PPP1R12A: variants seen among roughly 807,000 people sequenced by gnomAD.
The protein encoded by PPP1R12A is myosin binding subunit.
In PPP1R12A, 19 loss-of-function variants were observed where a neutral mutation model predicts 139.6. That is an observed-to-expected ratio of 0.14 (90% CI 0.09 to 0.20). The LOEUF (loss-of-function observed/expected upper bound fraction) is 0.20. Ranked by LOEUF, PPP1R12A falls within the 10% of genes least tolerant of loss-of-function variation. PPP1R12A has a pLI of 1.00. For missense variants in PPP1R12A, 925 were observed against 1,211.5 expected, an observed-to-expected ratio of 0.76 and a Z score of 3.51; for synonymous variants, 427 against 420.6, an observed-to-expected ratio of 1.02 and a Z score of -0.19.
In PPP1R12A at chr12:79,807,289, C is replaced by A. The variant is rs1873952660; in HGVS notation, c.1592G>T (p.Arg531Ile). ...SLRTSSSYTR[R>I]KWEDDLKKNS... is the part of the protein sequence containing the mutation. ...TTTTTTAAGATCATCTTCCCATTTT[C>A]TCCTTGTATATGAACTACTTGTTCG... Residue 531 changes from arginine to isoleucine, a missense_variant, in exon 12 of 25, where the codon AGA becomes ATA. Arg to Ile is a moderately conservative substitution (Grantham distance 97). Coordinates refer to ENST00000450142, the MANE Select transcript of PPP1R12A (RefSeq NM_002480.3). 4 of 1,556,256 alleles carry A rather than the reference C, an allele frequency of 2.6e-6. No individual in the cohort carries two copies. Among genetic ancestry groups the A allele is most frequent in the Non-Finnish European group, 2.6e-6 (3 of 1,148,944 alleles).
intron 2 of PPP1R12A, among the ~76,000 whole-genome samples, chr12:79,870,618 G>A (rs1478088858): frequency 6.6e-6 from 1 of 152,174 alleles, no homozygotes; most frequent in South Asian, 2.1e-4. Flanking sequence ...TTATAGCACA[G>A]TCATAAATTC....
intron 8 of PPP1R12A, among the ~76,000 whole-genome samples, chr12:79,818,537 C>G (rs998877241): frequency 6.6e-6 from 1 of 152,260 alleles, no homozygotes. Context: ...TCCACAGCAC[C>G]CAGCCCCACC....
At chr12:79,871,235 T>G (rs1196461204) in intron 2 of PPP1R12A, among the ~76,000 whole-genome samples, 1 of 152,198 alleles carries the variant, frequency 6.6e-6, no homozygotes, top group Non-Finnish European at 1.5e-5. Flanking sequence ...TTAGGTCATT[T>G]TAAATTGGGT....
In PPP1R12A at chr12:79,881,101, G is replaced by A. The variant is rs1020838304; in HGVS notation, c.238-8163C>T. 2.6e-5 allele frequency among the ~76,000 whole-genome samples: 4 copies of A among 152,060 alleles called. No homozygotes were observed. In the East Asian group the frequency reaches 7.7e-4, roughly 29 times the overall value. ...TTCCCCATCTCTCTCCCTTTCCTGA[G>A]GCCTCCCTATTCCCTTAGAAATAAC... On this transcript the variant is annotated intron_variant, in intron 1 of 24. Transcript: ENST00000450142.
intron 9 of PPP1R12A, among the ~76,000 whole-genome samples, chr12:79,815,436 G>A (rs1235551571): frequency 1.3e-5 from 2 of 151,562 alleles, no homozygotes; most frequent in Non-Finnish European, 2.9e-5. Flanking sequence ...CAGGAGAATC[G>A]CTTAAACCCG....
intron 5 of PPP1R12A, among the ~76,000 whole-genome samples, chr12:79,824,282 G>A (rs947836383): frequency 6.6e-6 from 1 of 152,102 alleles, no homozygotes; most frequent in African/African-American, 2.4e-5. Context: ...AATGTAAAGT[G>A]TGTTTAAGAT....
chr12:79,925,272 G>T (rs1224820981), intron 1 of PPP1R12A, among the ~76,000 whole-genome samples: 1 of 152,130 alleles, frequency 6.6e-6, no homozygotes, highest in Admixed American at 6.5e-5. Flanking sequence ...GTGTGTGTGT[G>T]TGTGTGTGTA....
intron 1 of PPP1R12A, among the ~76,000 whole-genome samples, chr12:79,906,969 C>A (rs1886180885): frequency 6.6e-6 from 1 of 152,092 alleles, no homozygotes; most frequent in Non-Finnish European, 1.5e-5. Flanking sequence ...CTACAAATTG[C>A]CTATTGTACT....
intron 24 of PPP1R12A, among the ~76,000 whole-genome samples, chr12:79,776,681 C>A (rs954703917): frequency 1.4e-4 from 21 of 152,206 alleles, no homozygotes; most frequent in African/African-American, 5.1e-4. Context: ...AAGCAAATAG[C>A]CTCATATCTT....
chr12:79,928,527 T>C (rs879431078), intron 1 of PPP1R12A, among the ~76,000 whole-genome samples: 1 of 152,218 alleles, frequency 6.6e-6, no homozygotes, highest in Non-Finnish European at 1.5e-5. Context: ...GCATAAAGTG[T>C]TACAGCTTTT....
intron 1 of PPP1R12A, among the ~76,000 whole-genome samples, chr12:79,915,610 C>T (rs1376232237): frequency 2.0e-5 from 3 of 152,134 alleles, no homozygotes; most frequent in Non-Finnish European, 4.4e-5. Context: ...TACACTCATC[C>T]ATTTTTAATG....
intron 8 of PPP1R12A, chr12:79,818,993 G>A (rs1267556390): frequency 2.6e-5 from 4 of 152,140 alleles, no homozygotes; most frequent in Non-Finnish European, 2.9e-5. Context: ...GAGAGTGAGA[G>A]GAAAGGAACC....
chr12:79,892,293 A>T lies in PPP1R12A; in HGVS notation c.238-19355T>A, dbSNP rs200348149. Among the ~76,000 whole-genome samples, 87 of 152,262 alleles carry T rather than the reference A, an allele frequency of 5.7e-4. No homozygotes were observed. In the East Asian group the frequency reaches 0.014, roughly 24 times the overall value. On this transcript the variant is annotated intron_variant, in intron 1 of 24. Coordinates refer to ENST00000450142, the MANE Select transcript of PPP1R12A (RefSeq NM_002480.3). ...CTCTAATAACACTAGACCACCCTCC[A>T]TTTCTTAAACATGCCCAATCCGAAA...
chr12:79,888,572 A>G (rs1490884029), intron 1 of PPP1R12A, among the ~76,000 whole-genome samples: 2 of 142,632 alleles, frequency 1.4e-5, no homozygotes, highest in South Asian at 2.1e-4. Context: ...AAAATGGAAA[A>G]TAGAATTATA....
intron 2 of PPP1R12A, among the ~76,000 whole-genome samples, chr12:79,871,507 G>A (rs140601315): frequency 2.0e-4 from 31 of 152,238 alleles, no homozygotes; most frequent in African/African-American, 7.5e-4. Context: ...ATGAATTACT[G>A]CAGTTAATCA....
intron 8 of PPP1R12A, among the ~76,000 whole-genome samples, chr12:79,819,730 A>T (rs1295557511): frequency 6.6e-6 from 1 of 152,076 alleles, no homozygotes; most frequent in Non-Finnish European, 1.5e-5. Context: ...TTGCTTGAGG[A>T]CAGGAGTTCA....
chr12:79,807,205 G>A (rs551350921), intron 12 of PPP1R12A, 21 bp downstream of exon 12: 14 of 1,359,232 alleles, frequency 1.0e-5, no homozygotes, highest in Middle Eastern at 1.9e-4. Flanking sequence ...CATAAAAACC[G>A]CTTAAGAATA....
intron 20 of PPP1R12A, 77 bp downstream of exon 20, chr12:79,790,390 A>G (rs1871689435): frequency 1.9e-6 from 2 of 1,043,960 alleles, no homozygotes; most frequent in African/African-American, 1.6e-5. Flanking sequence ...TACAAAATCC[A>G]TAAATTCCTA....
chr12:79,795,491 TTTC>T, intron 18 of PPP1R12A, 144 bp downstream of exon 18: 1 of 870,522 alleles, frequency 1.1e-6, no homozygotes, highest in Non-Finnish European at 1.7e-6. Context: ...AAAAATAATT[TTTC>T]TTATTTAACA....
Sources: allele counts gnomAD v4.1 joint callset (sites outside exome capture counted in the v4.1 genomes callset), GRCh38; gene constraint gnomAD v4.1.1; transcripts MANE v1.5; gene names NCBI Gene and HGNC (gene_info 2026-07-23, HGNC 2026-07-21).